Variants in PTPRD observed in about 807,000 individuals in gnomAD.
PTPRD encodes the protein protein tyrosine phosphatase receptor type D, also known as receptor-type tyrosine-protein phosphatase delta.
A neutral mutation model predicts 214.5 loss-of-function variants in PTPRD; 34 were observed. That is an observed-to-expected ratio of 0.16 (90% CI 0.12 to 0.21). The LOEUF (loss-of-function observed/expected upper bound fraction) is 0.21. Ranked by LOEUF, PTPRD falls within the 10% of genes least tolerant of loss-of-function variation. PTPRD has a pLI of 1.00. For synonymous variants in PTPRD, 1,128 were observed against 845.7 expected, an observed-to-expected ratio of 1.33 and a Z score of -5.79; for missense variants, 2,545 against 2,398.7, an observed-to-expected ratio of 1.06 and a Z score of -1.27.
intron 7 of PTPRD, among the ~76,000 whole-genome samples, chr9:9,615,666 A>T (rs1326666158): frequency 6.6e-6 from 1 of 152,110 alleles, no homozygotes; most frequent in Non-Finnish European, 1.5e-5. Flanking sequence ...TAGAAGTGAA[A>T]ATTGTTCTGG....
chr9:9,307,095 G>A (rs1423230308), intron 9 of PTPRD, among the ~76,000 whole-genome samples: 1 of 152,186 alleles, frequency 6.6e-6, no homozygotes, highest in Non-Finnish European at 1.5e-5. Context: ...GACATTTCAA[G>A]TAAGCTTTGT....
intron 2 of PTPRD, among the ~76,000 whole-genome samples, chr9:10,466,268 A>G (rs1214671666): frequency 6.6e-6 from 1 of 152,182 alleles, no homozygotes; most frequent in Non-Finnish European, 1.5e-5. Flanking sequence ...TAATGGAGTC[A>G]GTATTTGAAT....
intron 8 of PTPRD, among the ~76,000 whole-genome samples, chr9:9,501,207 G>C (rs2096403825): frequency 1.3e-5 from 2 of 151,852 alleles, no homozygotes; most frequent in South Asian, 2.1e-4. Flanking sequence ...AAAAGCCAAA[G>C]ATTGTCAAAT....
In PTPRD at chr9:8,486,240, T is replaced by C. The variant is rs2135967173; in HGVS notation, c.2577A>G (p.Lys859=). 1 of 1,614,146 alleles carries C rather than the reference T, an allele frequency of 6.2e-7. No homozygotes were observed. Among genetic ancestry groups the C allele is most frequent in the Non-Finnish European group, 8.5e-7 (1 of 1,180,016 alleles). ...GTGGCTCCATATCCTTGCGGCCAAA[T>C]TTTAGACGGTAGCCCTGAAGAGGTC... is the stretch of plus-strand genomic sequence containing the variant. ...TFGPLQGYRL[K]FGRKDMEPLT... Residue 859 remains lysine, a synonymous_variant, in exon 28 of 46, where the codon AAA becomes AAG. Transcript: ENST00000381196.
chr9:9,811,719 A>G (rs1434201927), intron 5 of PTPRD, among the ~76,000 whole-genome samples: 2 of 152,136 alleles, frequency 1.3e-5, no homozygotes, highest in Non-Finnish European at 2.9e-5. Flanking sequence ...AAACAAAACA[A>G]AAAATGGTTT....
chr9:9,559,644 T>C (rs943870519), intron 8 of PTPRD, among the ~76,000 whole-genome samples: 6 of 152,206 alleles, frequency 3.9e-5, no homozygotes, highest in African/African-American at 1.2e-4. Context: ...TGACATATAG[T>C]GGAGCTATGC....
chr9:8,511,951 C>T (rs1052769894), intron 21 of PTPRD, among the ~76,000 whole-genome samples: 2 of 152,060 alleles, frequency 1.3e-5, no homozygotes, highest in Non-Finnish European at 2.9e-5. Context: ...GAAACCTTCA[C>T]ATTATCAGAT....
intron 6 of PTPRD, among the ~76,000 whole-genome samples, chr9:9,757,602 A>G (rs968719086): frequency 6.6e-6 from 1 of 152,118 alleles, no homozygotes; most frequent in East Asian, 1.9e-4. Flanking sequence ...TTATAACCCA[A>G]TCTTCCTATT....
chr9:8,700,196 A>G (rs2098041919), intron 12 of PTPRD, among the ~76,000 whole-genome samples: 1 of 152,230 alleles, frequency 6.6e-6, no homozygotes, highest in African/African-American at 2.4e-5. Context: ...GAAACTATAT[A>G]ATTTGATCAT....
intron 7 of PTPRD, among the ~76,000 whole-genome samples, chr9:9,730,913 T>C (rs146943076): frequency 1.3e-5 from 2 of 152,150 alleles, no homozygotes; most frequent in Non-Finnish European, 2.9e-5. Context: ...TCTTTGAGTG[T>C]ACATCATTGT....
In PTPRD at chr9:8,836,700, G is replaced by A. The variant is rs1029501398; in HGVS notation, c.-103-102754C>T. Among the ~76,000 whole-genome samples, 18 of 142,200 alleles carry A rather than the reference G, an allele frequency of 1.3e-4. No homozygotes were observed. The East Asian group carries it at 3.8e-3, about 30-fold the overall frequency. 93.3% of individuals were successfully genotyped at this position (142,200 alleles called of 152,430 possible). A position where few individuals can be genotyped will look rare whatever the true frequency, so the allele number is the denominator to read the frequency against. On this transcript the variant is annotated intron_variant, in intron 11 of 45. Coordinates refer to ENST00000381196, the MANE Select transcript of PTPRD (RefSeq NM_002839.4). ...CAGCCTCTGCCTCCCAGGTTCAAGCGATTCTCCTGCCTCAGCCTCCTGAGT... is the reference window on the plus strand; with the variant it reads ...CAGCCTCTGCCTCCCAGGTTCAAGCAATTCTCCTGCCTCAGCCTCCTGAGT...
intron 9 of PTPRD, among the ~76,000 whole-genome samples, chr9:9,344,469 A>G (rs1449535045): frequency 2.0e-5 from 3 of 152,110 alleles, no homozygotes; most frequent in African/African-American, 7.2e-5. Context: ...TGTTCAGCAC[A>G]TGTATCCCAG....
intron 11 of PTPRD, among the ~76,000 whole-genome samples, chr9:8,783,808 C>T (rs181840857): frequency 6.6e-6 from 1 of 152,170 alleles, no homozygotes; most frequent in East Asian, 1.9e-4. Context: ...CCAGATAGAG[C>T]AGGAGGGCAG....
intron 11 of PTPRD, among the ~76,000 whole-genome samples, chr9:8,893,256 C>A (rs752079568): frequency 6.6e-6 from 1 of 152,016 alleles, no homozygotes; most frequent in Non-Finnish European, 1.5e-5. Flanking sequence ...AAGATGTGAA[C>A]AGATTATCAT....
intron 21 of PTPRD, among the ~76,000 whole-genome samples, chr9:8,512,870 G>C (rs139119451): frequency 1.3e-5 from 2 of 151,976 alleles, no homozygotes; most frequent in Admixed American, 6.6e-5. Context: ...TAATGCATTA[G>C]GTTTGAGATT....
At chr9:8,697,950 C>T (rs1490558101) in intron 12 of PTPRD, among the ~76,000 whole-genome samples, 3 of 152,142 alleles carry the variant, frequency 2.0e-5, no homozygotes, top group Non-Finnish European at 2.9e-5. Context: ...AACTTAATTA[C>T]AAGTGTCCAT....
chr9:8,981,467 G>A (rs2099312376), intron 11 of PTPRD, among the ~76,000 whole-genome samples: 1 of 151,966 alleles, frequency 6.6e-6, no homozygotes, highest in African/African-American at 2.4e-5. Context: ...GTTCCATGGA[G>A]CCACTGGATT....
chr9:9,165,332 G>A (rs1410678032), intron 10 of PTPRD, among the ~76,000 whole-genome samples: 1 of 152,160 alleles, frequency 6.6e-6, no homozygotes, highest in Non-Finnish European at 1.5e-5. Flanking sequence ...TTTGAGGAGA[G>A]AAGGAAGAGT....
chr9:9,916,128 A>C (rs1204276833), intron 5 of PTPRD, among the ~76,000 whole-genome samples: 1 of 152,016 alleles, frequency 6.6e-6, no homozygotes, highest in Non-Finnish European at 1.5e-5. Context: ...TATATTCAGC[A>C]AAACCATCTT....
Sources: allele counts gnomAD v4.1 joint callset (sites outside exome capture counted in the v4.1 genomes callset), GRCh38; gene constraint gnomAD v4.1.1; transcripts MANE v1.5; gene names NCBI Gene and HGNC (gene_info 2026-07-23, HGNC 2026-07-21).